The following ACSM2B variants were observed in gnomAD, a reference collection of about 807,000 sequenced individuals.
The protein encoded by ACSM2B is acyl-CoA synthetase medium chain family member 2B.
A neutral mutation model predicts 78.6 loss-of-function variants in ACSM2B; 58 were observed. The ratio of observed to expected loss-of-function variants is 0.74; its 90% confidence interval spans 0.60 to 0.92. The LOEUF (loss-of-function observed/expected upper bound fraction) is 0.92. Among genes scored for constraint, ACSM2B ranks in the 40% least tolerant of loss-of-function variants. The probability of loss-of-function intolerance (pLI) is 0.00; values close to 1 mark genes in which losing one functional copy is unlikely to be tolerated. For synonymous variants in ACSM2B, 257 were observed against 256.8 expected, an observed-to-expected ratio of 1.00 and a Z score of -0.01; for missense variants, 688 against 711.2, an observed-to-expected ratio of 0.97 and a Z score of 0.37.
At chr16:20,556,585 G>C (rs557395124) in intron 3 of ACSM2B, among the ~76,000 whole-genome samples, 126 of 152,334 alleles carry the variant, frequency 8.3e-4, no homozygotes, top group African/African-American at 3.0e-3. Flanking sequence ...CTGGACTACA[G>C]AGGGAGACTC....
At chr16:20,545,531 C>T (rs926752465) in intron 9 of ACSM2B, among the ~76,000 whole-genome samples, 1 of 152,130 alleles carries the variant, frequency 6.6e-6, no homozygotes, top group African/African-American at 2.4e-5. Context: ...ATAATAGCCT[C>T]CTCTTACCTT....
chr16:20,564,711 G>T lies in ACSM2B; in HGVS notation c.135C>A (p.Asn45Lys). Residue 45 changes from asparagine (N) to lysine (K), a missense_variant, in exon 2 of 14, where the codon AAC becomes AAA. Asn to Lys is a moderately conservative substitution (Grantham distance 94, BLOSUM62 0). Transcript: ENST00000329697. ...WGHQEVPAKF[N>K]FASDVLDHWA... The stretch of plus-strand genomic sequence containing the variant: ...AGTGATCCAACACATCACTAGCAAA[G>T]TTAAACTTGGCCGGCACTTCCTGGT... 1 of 1,613,602 alleles carries T rather than the reference G, an allele frequency of 6.2e-7. No homozygotes were observed. The highest frequency in any genetic ancestry group is 1.1e-5 in the South Asian group (1 of 91,048).
intron 13 of ACSM2B, among the ~76,000 whole-genome samples, chr16:20,537,667 G>A (rs1028699186): frequency 3.3e-5 from 5 of 152,186 alleles, no homozygotes; most frequent in Admixed American, 6.5e-5. Flanking sequence ...CTCCTCCTCT[G>A]CCAATCATCT....
intron 1 of ACSM2B, 86 bp from the exon 2 acceptor site, chr16:20,564,939 A>T: frequency 1.3e-6 from 2 of 1,503,046 alleles, no homozygotes; most frequent in South Asian, 2.7e-5. Flanking sequence ...ATTCATCCCA[A>T]CCTTATAGGA....
At chr16:20,548,040 T>C (rs570038339) in intron 8 of ACSM2B, 22 bp downstream of exon 8, 15 of 1,613,496 alleles carry the variant, frequency 9.3e-6, no homozygotes, top group Non-Finnish European at 1.3e-5. Context: ...ACACAGCCCA[T>C]GGTTCCCCTG....
intron 1 of ACSM2B, among the ~76,000 whole-genome samples, chr16:20,566,162 A>G (rs1358037360): frequency 7.0e-6 from 1 of 143,466 alleles, no homozygotes; most frequent in Non-Finnish European, 1.5e-5. Flanking sequence ...ATATATATAT[A>G]TGTAATAAAC....
At chr16:20,548,796 C>CA (rs2015220666) in intron 6 of ACSM2B, among the ~76,000 whole-genome samples, 1 of 152,160 alleles carries the variant, frequency 6.6e-6, no homozygotes, top group African/African-American at 2.4e-5. Context: ...TATCACCCCC[C>CA]AGCAACCAAG....
At position 20,564,852 on chromosome 16, in the gene ACSM2B, G is replaced by T; in HGVS notation, c.-7C>A. The T allele has an allele frequency of 1.2e-6, 2 of 1,601,812 alleles. No homozygotes were observed. The highest frequency in any genetic ancestry group is 1.7e-6 in the Non-Finnish European group (2 of 1,173,206). ...CTTTTCGCAGCCAATGCATGTTCAG[G>T]CCTGTAAAAGAAAGAAGAGACACAG... On this transcript the variant is annotated splice_region_variant and 5_prime_UTR_variant, in exon 2 of 14. Coordinates refer to ENST00000329697, the MANE Select transcript of ACSM2B (RefSeq NM_001105069.2).
intron 6 of ACSM2B, among the ~76,000 whole-genome samples, chr16:20,549,174 C>A (rs949406812): frequency 2.0e-5 from 3 of 152,146 alleles, no homozygotes; most frequent in African/African-American, 7.2e-5. Context: ...AGCATGTATT[C>A]CTGTCATATA....
At chr16:20,547,734 T>C (rs1439775241) in intron 8 of ACSM2B, 2 of 1,072,328 alleles carry the variant, frequency 1.9e-6, no homozygotes, top group Non-Finnish European at 2.3e-6. Flanking sequence ...ACTTTCTGAC[T>C]ACCATATGTG....
rs539364524 is a variant in ACSM2B at position 20,560,757 on chromosome 16, T to C, written c.178-1310A>G. On this transcript the variant is annotated intron_variant, in intron 2 of 13. Coordinates refer to ENST00000329697, the MANE Select transcript of ACSM2B (RefSeq NM_001105069.2). ...AAGAGTTTGGAAGGCTTAGAAGAGA[T>C]AGAAAGATGAGGAAAAGTTTGGAAC... Among the ~76,000 whole-genome samples the C allele has an allele frequency of 5.9e-5, 9 of 152,048 alleles. No homozygotes were observed. In the East Asian group the frequency reaches 7.7e-4, roughly 13 times the overall value.
chr16:20,570,866 G>C (rs2016073055), intron 1 of ACSM2B, among the ~76,000 whole-genome samples: 2 of 151,820 alleles, frequency 1.3e-5, no homozygotes, highest in South Asian at 4.1e-4. Flanking sequence ...GCATAAAGCT[G>C]TTTGTAGTGC....
chr16:20,570,330 TG>T (rs2016058652), intron 1 of ACSM2B, among the ~76,000 whole-genome samples: 1 of 152,046 alleles, frequency 6.6e-6, no homozygotes, highest in Non-Finnish European at 1.5e-5. Flanking sequence ...ATGTGATTTT[TG>T]TTTTTAATTC....
chr16:20,551,534 C>T (rs1596715221), intron 6 of ACSM2B, among the ~76,000 whole-genome samples: 1 of 152,036 alleles, frequency 6.6e-6, no homozygotes, highest in Admixed American at 6.6e-5. Context: ...TCCAATTATG[C>T]TGGCACCCTG....
At chr16:20,551,022 A>G (rs1400349228) in intron 6 of ACSM2B, among the ~76,000 whole-genome samples, 3 of 152,248 alleles carry the variant, frequency 2.0e-5, no homozygotes, top group Non-Finnish European at 2.9e-5. Context: ...AAGAACAAAC[A>G]TCTGATACAT....
intron 10 of ACSM2B, chr16:20,544,637 A>C (rs150930421): frequency 0.014 from 14,278 of 985,220 alleles, 115 homozygotes; most frequent in Non-Finnish European, 0.016. Flanking sequence ...AGCTTGAGCA[A>C]GTCTTGTAAT....
intron 1 of ACSM2B, among the ~76,000 whole-genome samples, chr16:20,565,615 C>T (rs1304257763): frequency 1.3e-5 from 2 of 152,130 alleles, no homozygotes; most frequent in Non-Finnish European, 2.9e-5. Flanking sequence ...ATCGCAGGTC[C>T]TATCCATCTA....
At position 20,552,253 on chromosome 16, in the gene ACSM2B, T is replaced by A; in HGVS notation, c.785A>T (p.Asp262Val). 6.2e-7 allele frequency: 1 copy of A among 1,613,828 alleles called. No homozygotes were observed. Among genetic ancestry groups the A allele is most frequent in the Non-Finnish European group, 8.5e-7 (1 of 1,179,790 alleles). The change falls in exon 6 of 14, where the codon GAC becomes GTC. Residue 262 changes from aspartate to valine, a missense_variant. Physicochemically the swap from Asp to Val is radical, Grantham distance 152 (BLOSUM62 -3). Coordinates refer to ENST00000329697, the MANE Select transcript of ACSM2B (RefSeq NM_001105069.2). ...QASDIMWTIS[D>V]TGWILNILGS... ...CAAGATGTTCAGTATCCAACCTGTG[T>A]CTGATATGGTCCACATTATATCAGA...
intron 12 of ACSM2B, 137 bp downstream of exon 12, chr16:20,542,777 G>C (rs1435980175): frequency 2.5e-6 from 3 of 1,182,114 alleles, no homozygotes; most frequent in African/African-American, 3.1e-5. Context: ...CTTACCCAAG[G>C]TCACATAGCT....
Sources: gnomAD v4.1 joint callset for allele counts (sites outside exome capture counted in the v4.1 genomes callset) on GRCh38, gnomAD v4.1.1 for gene constraint, MANE v1.5 for transcripts, NCBI Gene and HGNC (gene_info 2026-07-23, HGNC 2026-07-21) for gene names.